The following KCNH7 variants were observed in gnomAD, a reference collection of about 807,000 sequenced individuals.
KCNH7 encodes the protein potassium voltage-gated channel subfamily H member 7.
KCNH7 carries 49 observed loss-of-function variants against 120.8 expected under a neutral mutation model. That is an observed-to-expected ratio of 0.41 (90% CI 0.32 to 0.51). The LOEUF (loss-of-function observed/expected upper bound fraction) is 0.51. KCNH7 is among the 20% of genes least tolerant of loss of function. The pLI is 0.38. For synonymous variants in KCNH7, 547 were observed against 516.1 expected (o/e 1.06, Z -0.81); for missense variants, 1,097 against 1,446.6 (o/e 0.76, Z 3.92).
intron 6 of KCNH7, among the ~76,000 whole-genome samples, chr2:162,462,463 T>A (rs1262257719): frequency 6.6e-6 from 1 of 151,912 alleles, no homozygotes; most frequent in Non-Finnish European, 1.5e-5. Context: ...TTTCTATGGA[T>A]CTCTGAATGT....
intron 2 of KCNH7, among the ~76,000 whole-genome samples, chr2:162,588,510 C>A (rs182195785): frequency 6.6e-6 from 1 of 151,924 alleles, no homozygotes; most frequent in African/African-American, 2.4e-5. Flanking sequence ...AATTTATGAA[C>A]CTCTTGTTGA....
At chr2:162,696,755 G>A (rs756460674) in intron 2 of KCNH7, among the ~76,000 whole-genome samples, 23 of 152,062 alleles carry the variant, frequency 1.5e-4, no homozygotes, top group Non-Finnish European at 2.5e-4. Context: ...TGGTCAAATC[G>A]TATGAAAAAG....
chr2:162,822,062 T>G (rs1375729553), intron 2 of KCNH7, among the ~76,000 whole-genome samples: 1 of 92,438 alleles, frequency 1.1e-5, no homozygotes, highest in African/African-American at 3.2e-5. Flanking sequence ...CAAATTAAAT[T>G]GTCCAGAATT....
intron 2 of KCNH7, among the ~76,000 whole-genome samples, chr2:162,738,810 G>T (rs755321101): frequency 7.2e-5 from 11 of 152,166 alleles, no homozygotes; most frequent in Admixed American, 5.2e-4. Flanking sequence ...ATTGTAATTG[G>T]AATCTCTCTC....
In KCNH7 at chr2:162,518,739, G is replaced by A. The variant is rs114157909; in HGVS notation, c.464-581C>T. On this transcript the variant is annotated intron_variant, in intron 3 of 15. Transcript: ENST00000332142. ...TATGAGAGGTTTATCATTCCATCTGGAATTCTTAAAGACTTTTGGTTTTAA... is the reference window on the plus strand; with the variant it reads ...TATGAGAGGTTTATCATTCCATCTGAAATTCTTAAAGACTTTTGGTTTTAA... Among the ~76,000 whole-genome samples the A allele has an allele frequency of 2.6e-3, 400 of 151,438 alleles. 2 individuals carry two copies. Among genetic ancestry groups the A allele is most frequent in the Middle Eastern group, 6.9e-3 (2 of 288 alleles).
At chr2:162,734,491 C>A (rs549033066) in intron 2 of KCNH7, among the ~76,000 whole-genome samples, 1 of 152,080 alleles carries the variant, frequency 6.6e-6, no homozygotes, top group South Asian at 2.1e-4. Flanking sequence ...GTCGATATTG[C>A]GTTTTTCCTG....
At chr2:162,455,802 T>A (rs1322892395) in intron 6 of KCNH7, among the ~76,000 whole-genome samples, 2 of 152,140 alleles carry the variant, frequency 1.3e-5, no homozygotes, top group East Asian at 3.9e-4. Context: ...ATCATTTTTT[T>A]ATTGTGTCTA....
At chr2:162,554,612 T>A (rs916024871) in intron 2 of KCNH7, among the ~76,000 whole-genome samples, 2 of 152,104 alleles carry the variant, frequency 1.3e-5, no homozygotes, top group Non-Finnish European at 2.9e-5. Flanking sequence ...AAGCAAGCAA[T>A]GTAGCATCTT....
In KCNH7 at chr2:162,435,408, T is replaced by C. The variant is rs1191162044; in HGVS notation, c.1744A>G (p.Thr582Ala). 1.9e-6 allele frequency: 3 copies of C among 1,613,726 alleles called. No homozygotes were observed. In the Admixed American group the frequency reaches 5.0e-5, roughly 27 times the overall value. Residue 582 changes from threonine (T) to alanine (A), a missense_variant, in exon 8 of 16, where the codon ACT becomes GCT. By Grantham distance (58) the Thr-to-Ala change is moderately conservative. Coordinates refer to ENST00000332142, the MANE Select transcript of KCNH7 (RefSeq NM_033272.4). ...AIGNVERPYL[T>A]DKIGWLDSLG... ...GAATCCAACCATCCGATTTTGTCAG[T>C]CAGGTAAGGCCTTTCTACATTCCCA...
intron 2 of KCNH7, among the ~76,000 whole-genome samples, chr2:162,583,960 C>A (rs904726172): frequency 2.0e-5 from 3 of 152,026 alleles, no homozygotes; most frequent in Admixed American, 2.0e-4. Context: ...TTAGAAAGGG[C>A]AGTACCCAAT....
chr2:162,689,781 G>A (rs528544945), intron 2 of KCNH7, among the ~76,000 whole-genome samples: 2 of 152,204 alleles, frequency 1.3e-5, no homozygotes, highest in East Asian at 3.9e-4. Context: ...TTTCCCAGCA[G>A]AAAATATATT....
chr2:162,399,732 G>A (rs750468465), intron 10 of KCNH7, among the ~76,000 whole-genome samples: 2 of 151,836 alleles, frequency 1.3e-5, no homozygotes, highest in South Asian at 4.2e-4. Flanking sequence ...AATCCGACGC[G>A]GCAGGTAAAA....
At chr2:162,496,478 A>G (rs557696564) in intron 6 of KCNH7, among the ~76,000 whole-genome samples, 3 of 152,220 alleles carry the variant, frequency 2.0e-5, no homozygotes, top group East Asian at 3.9e-4. Flanking sequence ...GCTTAGATAT[A>G]TAGAAGCCTT....
chr2:162,591,330 C>T (rs941431351), intron 2 of KCNH7, among the ~76,000 whole-genome samples: 1 of 151,846 alleles, frequency 6.6e-6, no homozygotes, highest in Admixed American at 6.6e-5. Context: ...TTCTCCTCAG[C>T]GCTTATAACT....
intron 2 of KCNH7, among the ~76,000 whole-genome samples, chr2:162,749,694 T>C (rs1036623286): frequency 3.3e-5 from 5 of 152,126 alleles, no homozygotes; most frequent in African/African-American, 1.2e-4. Context: ...TCCAAGACAC[T>C]TGAATTATAG....
intron 2 of KCNH7, among the ~76,000 whole-genome samples, chr2:162,693,565 G>A (rs1476799561): frequency 6.6e-6 from 1 of 152,186 alleles, no homozygotes; most frequent in East Asian, 1.9e-4. Context: ...AATGTGCAAT[G>A]AGTTAGGACG....
chr2:162,407,223 T>TCC (rs1380273545), intron 9 of KCNH7, among the ~76,000 whole-genome samples: 1 of 151,934 alleles, frequency 6.6e-6, no homozygotes, highest in Admixed American at 6.6e-5. Context: ...ATGATTTATA[T>TCC]CCCTTAGGGA....
At chr2:162,707,026 A>G (rs1292241978) in intron 2 of KCNH7, among the ~76,000 whole-genome samples, 2 of 152,130 alleles carry the variant, frequency 1.3e-5, no homozygotes, top group Non-Finnish European at 2.9e-5. Flanking sequence ...GCCCAAGAAC[A>G]CAACTTATTA....
At chr2:162,380,867 C>A (rs1451228253) in intron 13 of KCNH7, among the ~76,000 whole-genome samples, 1 of 152,060 alleles carries the variant, frequency 6.6e-6, no homozygotes, top group Admixed American at 6.6e-5. Flanking sequence ...GGGTTGTGAT[C>A]CCTTTTCATA....
Sources: allele counts gnomAD v4.1 joint callset (sites outside exome capture counted in the v4.1 genomes callset), GRCh38; gene constraint gnomAD v4.1.1; transcripts MANE v1.5; gene names NCBI Gene and HGNC (gene_info 2026-07-23, HGNC 2026-07-21).